The following ZC3H12B variants were observed in gnomAD, a reference collection of about 807,000 sequenced individuals.
ZC3H12B encodes zinc finger CCCH-type containing 12B, also known as probable ribonuclease ZC3H12B.
Under a neutral mutation model 43.9 loss-of-function variants are expected in ZC3H12B, and 7 were observed. That is an observed-to-expected ratio of 0.16 (90% CI 0.09 to 0.30). The LOEUF (loss-of-function observed/expected upper bound fraction) is 0.30, where lower values mean the gene tolerates loss of function less well. ZC3H12B is among the 10% of genes least tolerant of loss of function. The probability of loss-of-function intolerance (pLI) is 1.00; values close to 1 mark genes in which losing one functional copy is unlikely to be tolerated. For synonymous variants in ZC3H12B, 222 were observed against 241.7 expected, an observed-to-expected ratio of 0.92 and a Z score of 0.76; for missense variants, 475 against 670.2, an observed-to-expected ratio of 0.71 and a Z score of 3.22.
At chrX:65,257,640 A>T in the ZC3H12B span, among the ~76,000 whole-genome samples, 1 of 111,199 alleles carries the variant, frequency 9.0e-6, no homozygotes, top group Non-Finnish European at 1.9e-5. Context: ...ATAGACTGCC[A>T]GATAGACTAA....
At chrX:65,503,602 GTTTC>G (rs771754312) in exon 5 of ZC3H12B, 63 of 113,658 alleles carry the variant, frequency 5.5e-4, no homozygotes, top group East Asian at 2.0e-3. Flanking sequence ...TTCTCTTTTC[GTTTC>G]TTTCTTTCTT....
intron 3 of ZC3H12B, among the ~76,000 whole-genome samples, chrX:65,451,119 T>A (rs777406812): frequency 1.8e-5 from 2 of 109,066 alleles, no homozygotes; most frequent in Admixed American, 2.0e-4. Context: ...GGCTAATTTT[T>A]TTGTATTTAT....
At chrX:65,053,522 G>A in the ZC3H12B span, among the ~76,000 whole-genome samples, 57 of 111,554 alleles carry the variant, frequency 5.1e-4, 1 homozygote, top group African/African-American at 1.8e-3. Context: ...GGACATTTGG[G>A]TTAGTTCCAA....
At chrX:65,413,344 T>C (rs1176281834) in intron 3 of ZC3H12B, among the ~76,000 whole-genome samples, 1 of 111,738 alleles carries the variant, frequency 8.9e-6, no homozygotes, top group Non-Finnish European at 1.9e-5. Context: ...TTCTTTTGGT[T>C]TCATATTTAA....
the ZC3H12B span, among the ~76,000 whole-genome samples, chrX:65,100,432 GAC>G: frequency 9.3e-6 from 1 of 107,828 alleles, no homozygotes; most frequent in Admixed American, 1.0e-4. Context: ...CCAATTAAAA[GAC>G]ACAGAGTGGC....
chrX:65,431,867 T>A (rs1670076776), intron 3 of ZC3H12B, among the ~76,000 whole-genome samples: 1 of 112,417 alleles, frequency 8.9e-6, no homozygotes, highest in African/African-American at 3.2e-5. Context: ...TGTGTCTAAG[T>A]TTCTGCCCAC....
At chrX:65,059,324 A>T in the ZC3H12B span, among the ~76,000 whole-genome samples, 1 of 107,610 alleles carries the variant, frequency 9.3e-6, no homozygotes, top group Non-Finnish European at 1.9e-5. Flanking sequence ...GATTTTCCCC[A>T]ATGTTTTATT....
At chrX:65,219,504 T>C in the ZC3H12B span, among the ~76,000 whole-genome samples, 1 of 111,050 alleles carries the variant, frequency 9.0e-6, no homozygotes, top group African/African-American at 3.3e-5. Flanking sequence ...TAGAGAATTG[T>C]GAAATGCACT....
At chrX:65,239,125 T>C in the ZC3H12B span, among the ~76,000 whole-genome samples, 2 of 111,885 alleles carry the variant, frequency 1.8e-5, no homozygotes, top group African/African-American at 6.5e-5. Context: ...AGATCCTGAA[T>C]ATCTTTGTTA....
At chrX:65,364,144 G>A (rs1051747075), upstream of ZC3H12B, among the ~76,000 whole-genome samples, 4 of 111,033 alleles carry the variant, frequency 3.6e-5, no homozygotes, top group African/African-American at 6.6e-5. Context: ...GGCAGGCTAT[G>A]TTATAGTATA....
At chrX:65,488,990 G>A (rs2068166762) in exon 1 of ZC3H12B, 3 of 1,209,258 alleles carry the variant, frequency 2.5e-6, no homozygotes, top group South Asian at 1.8e-5. Flanking sequence ...GCCAACCTAG[G>A]GATGGTCAGT....
chrX:65,251,822 A>T, the ZC3H12B span, among the ~76,000 whole-genome samples: 2 of 111,395 alleles, frequency 1.8e-5, no homozygotes, highest in Non-Finnish European at 3.8e-5. Context: ...TTATCAGCTT[A>T]AGGAAATTTT....
At chrX:65,476,202 C>T (rs1395164476) in intron 3 of ZC3H12B, among the ~76,000 whole-genome samples, 9 of 111,547 alleles carry the variant, frequency 8.1e-5, no homozygotes, top group Non-Finnish European at 1.1e-4. Flanking sequence ...GAGATTTCTA[C>T]TCCTTTTTCT....
upstream of ZC3H12B, among the ~76,000 whole-genome samples, chrX:65,363,492 A>G (rs1322398087): frequency 9.0e-5 from 10 of 111,691 alleles, no homozygotes; most frequent in Non-Finnish European, 1.7e-4. Context: ...CAAAACCATT[A>G]TATAAACTCA....
chrX:65,180,889 T>C, the ZC3H12B span, among the ~76,000 whole-genome samples: 1 of 111,624 alleles, frequency 9.0e-6, no homozygotes, highest in Non-Finnish European at 1.9e-5. Context: ...TTCACAGAAT[T>C]ACCAGAAACT....
chrX:65,200,068 C>T, the ZC3H12B span, among the ~76,000 whole-genome samples: 1 of 111,478 alleles, frequency 9.0e-6, no homozygotes, highest in African/African-American at 3.3e-5. Flanking sequence ...ATTTACACTC[C>T]CACCAATGGT....
intron 2 of ZC3H12B, among the ~76,000 whole-genome samples, chrX:65,370,870 GGTAAGACATT>G (rs1388931024): frequency 8.9e-6 from 1 of 112,130 alleles, no homozygotes; most frequent in African/African-American, 3.2e-5. Flanking sequence ...GGACCATTTA[GGTAAGACATT>G]GTAGTAGAGT....
At chrX:65,300,217 A>G in the ZC3H12B span, among the ~76,000 whole-genome samples, 2 of 112,460 alleles carry the variant, frequency 1.8e-5, no homozygotes, top group Admixed American at 9.3e-5. Flanking sequence ...GCAGGAGGGC[A>G]GTCAAGAAAC....
At chrX:65,262,673 G>T in the ZC3H12B span, among the ~76,000 whole-genome samples, 6 of 110,816 alleles carry the variant, frequency 5.4e-5, no homozygotes, top group African/African-American at 2.0e-4. Flanking sequence ...TAGTAGCTAT[G>T]TTTTAAGACT....
Sources: allele counts gnomAD v4.1 joint callset (sites outside exome capture counted in the v4.1 genomes callset), GRCh38; gene constraint gnomAD v4.1.1; transcripts MANE v1.5; gene names NCBI Gene and HGNC (gene_info 2026-07-23, HGNC 2026-07-21).